The following PCLO variants were observed in gnomAD, a reference collection of about 807,000 sequenced individuals.
The protein encoded by PCLO is piccolo presynaptic cytomatrix protein.
A neutral mutation model predicts 427.5 loss-of-function variants in PCLO; 82 were observed. The observed-to-expected ratio is 0.19, with a 90% CI of 0.16 to 0.23. The LOEUF is 0.23. PCLO is among the 10% of genes least tolerant of loss of function. The pLI, the probability that PCLO is intolerant of heterozygous loss-of-function variation, is 1.00. For missense variants in PCLO, 6,239 were observed against 6,115.9 expected, an observed-to-expected ratio of 1.02 and a Z score of -0.67; for synonymous variants, 2,357 against 2,155.4, an observed-to-expected ratio of 1.09 and a Z score of -2.59.
intron 10 of PCLO, among the ~76,000 whole-genome samples, chr7:82,865,317 G>A (rs1192686354): frequency 6.6e-6 from 1 of 151,884 alleles, no homozygotes; most frequent in Non-Finnish European, 1.5e-5. Flanking sequence ...GTGAAACCCC[G>A]CATCTACTAA....
chr7:83,032,860 T>C (rs1788706260), intron 3 of PCLO, among the ~76,000 whole-genome samples: 1 of 152,150 alleles, frequency 6.6e-6, no homozygotes, highest in African/African-American at 2.4e-5. Context: ...AGTACAAGGT[T>C]GATATGGTTT....
At chr7:83,023,358 C>T (rs193217616) in intron 3 of PCLO, among the ~76,000 whole-genome samples, 3 of 152,170 alleles carry the variant, frequency 2.0e-5, no homozygotes, top group Admixed American at 1.3e-4. Flanking sequence ...AGAAACAATT[C>T]GAAATGAACA....
At chr7:82,945,197 A>T (rs1795173032) in intron 6 of PCLO, among the ~76,000 whole-genome samples, 1 of 152,192 alleles carries the variant, frequency 6.6e-6, no homozygotes, top group African/African-American at 2.4e-5. Flanking sequence ...TCAGAGCTAA[A>T]CAATTAAATT....
chr7:82,856,076 C>T (rs188289787), intron 10 of PCLO, among the ~76,000 whole-genome samples: 2 of 152,152 alleles, frequency 1.3e-5, no homozygotes, highest in East Asian at 3.9e-4. Context: ...TGACATTGCA[C>T]TCTTAGTGGC....
intron 4 of PCLO, among the ~76,000 whole-genome samples, chr7:82,963,418 C>T (rs1247237796): frequency 6.6e-6 from 1 of 151,728 alleles, no homozygotes; most frequent in Non-Finnish European, 1.5e-5. Flanking sequence ...TGTGCGATTG[C>T]CAATTCTTTT....
chr7:83,036,375 G>T (rs1306372096), intron 3 of PCLO, among the ~76,000 whole-genome samples: 1 of 152,096 alleles, frequency 6.6e-6, no homozygotes, highest in Non-Finnish European at 1.5e-5. Context: ...ATCACACTTT[G>T]AAAACGACTG....
chr7:83,115,625 A>G (rs1161783312), intron 3 of PCLO, among the ~76,000 whole-genome samples: 1 of 152,042 alleles, frequency 6.6e-6, no homozygotes, highest in African/African-American at 2.4e-5. Flanking sequence ...ATGTTTTCTC[A>G]TAATTCAAAA....
At position 83,155,393 on chromosome 7, in the gene PCLO, C is replaced by A; in HGVS notation, c.1248G>T (p.Gly416=). ...GTTGTTGAGCTAGGGGTTTTGGTGT[C>A]CCCACCTGCTGGGTTGGAGGCTTTG... ...GPAKPPTQQV[G]TPKPLAQQPG... The change falls in exon 2 of 25, where the codon GGG becomes GGT. Residue 416 remains glycine, a synonymous_variant. Coordinates refer to ENST00000333891, the MANE Select transcript of PCLO (RefSeq NM_033026.6). 1.2e-6 allele frequency: 2 copies of A among 1,613,198 alleles called. No individual in the cohort carries two copies. The highest frequency in any genetic ancestry group is 2.2e-5 in the East Asian group (1 of 44,798).
intron 18 of PCLO, 110 bp from the exon 19 acceptor site, chr7:82,824,526 T>C (rs1202834200): frequency 1.7e-6 from 1 of 593,944 alleles, no homozygotes; most frequent in Non-Finnish European, 2.8e-6. Flanking sequence ...AGGAATACAG[T>C]ATAACTTTTG....
intron 20 of PCLO, among the ~76,000 whole-genome samples, chr7:82,815,882 T>G (rs1245311887): frequency 1.3e-5 from 2 of 152,148 alleles, no homozygotes; most frequent in Non-Finnish European, 2.9e-5. Flanking sequence ...TTTCAGTATC[T>G]AAAACACATT....
chr7:83,122,316 T>C (rs543456813), intron 3 of PCLO, among the ~76,000 whole-genome samples: 2 of 150,724 alleles, frequency 1.3e-5, no homozygotes, highest in East Asian at 3.9e-4. Context: ...TATGGTGTTT[T>C]GCTCTATTGC....
chr7:82,905,021 G>A (rs1794152105), intron 8 of PCLO, among the ~76,000 whole-genome samples: 1 of 152,032 alleles, frequency 6.6e-6, no homozygotes, highest in Admixed American at 6.6e-5. Context: ...AACCACAGAG[G>A]GTGAATGTTG....
At chr7:82,903,707 T>A (rs1415118044) in intron 8 of PCLO, among the ~76,000 whole-genome samples, 3 of 151,928 alleles carry the variant, frequency 2.0e-5, no homozygotes, top group Non-Finnish European at 4.4e-5. Flanking sequence ...ATAGGAAAAT[T>A]TTTGACTTAA....
intron 20 of PCLO, among the ~76,000 whole-genome samples, chr7:82,818,095 A>T (rs1044879351): frequency 1.2e-4 from 19 of 152,232 alleles, no homozygotes; most frequent in Middle Eastern, 3.4e-3. Flanking sequence ...GGGGAAAACA[A>T]CAACAACAAC....
chr7:82,962,811 TAGAC>T (rs1795682270), intron 4 of PCLO, among the ~76,000 whole-genome samples: 1 of 152,010 alleles, frequency 6.6e-6, no homozygotes, highest in African/African-American at 2.4e-5. Context: ...AAGCCAGAAT[TAGAC>T]AGACTGCCTC....
At position 82,977,664 on chromosome 7, in the gene PCLO, T is replaced by A. The variant is rs537266427; in HGVS notation, c.3301-11177A>T. On this transcript the variant is annotated intron_variant, in intron 3 of 24. Coordinates refer to ENST00000333891, the MANE Select transcript of PCLO (RefSeq NM_033026.6). ...CCTGACCTCAGGTGATCTGCCTGCCTTGGCCTCCCAAAGTGCTGGGATTAC... is the reference window on the plus strand; with the variant it reads ...CCTGACCTCAGGTGATCTGCCTGCCATGGCCTCCCAAAGTGCTGGGATTAC... Among the ~76,000 whole-genome samples the A allele has an allele frequency of 1.4e-3, 208 of 152,226 alleles. 1 individual carries two copies. The highest frequency in any genetic ancestry group is 4.6e-3 in the African/African-American group (193 of 41,540).
At chr7:82,812,672 TG>T (rs1165537728) in intron 20 of PCLO, among the ~76,000 whole-genome samples, 1 of 151,608 alleles carries the variant, frequency 6.6e-6, no homozygotes, top group Non-Finnish European at 1.5e-5. Flanking sequence ...AGTTCCGGTT[TG>T]GTGCTATAAA....
chr7:82,986,422 T>C (rs1796256981), intron 3 of PCLO, among the ~76,000 whole-genome samples: 1 of 151,930 alleles, frequency 6.6e-6, no homozygotes, highest in African/African-American at 2.4e-5. Context: ...AGAAAACCAA[T>C]TTGTATTCCT....
intron 3 of PCLO, among the ~76,000 whole-genome samples, chr7:83,129,685 T>C (rs1020913401): frequency 6.6e-6 from 1 of 152,128 alleles, no homozygotes; most frequent in African/African-American, 2.4e-5. Flanking sequence ...GCCTAAATCC[T>C]GAGTATAAGA....
Sources: allele counts gnomAD v4.1 joint callset (sites outside exome capture counted in the v4.1 genomes callset), GRCh38; gene constraint gnomAD v4.1.1; transcripts MANE v1.5; gene names NCBI Gene and HGNC (gene_info 2026-07-23, HGNC 2026-07-21).